The following FGFR2 variants were observed in gnomAD, a reference collection of about 807,000 sequenced individuals.
FGFR2 encodes BEK fibroblast growth factor receptor.
In FGFR2, 19 loss-of-function variants were observed where a neutral mutation model predicts 95.9. The ratio of observed to expected loss-of-function variants is 0.20; its 90% confidence interval spans 0.14 to 0.29. The LOEUF (loss-of-function observed/expected upper bound fraction) is 0.29, where lower values mean the gene tolerates loss of function less well. Among genes scored for constraint, FGFR2 ranks in the 10% least tolerant of loss-of-function variants. FGFR2 has a pLI of 1.00. For missense variants in FGFR2, 707 were observed against 1,056.9 expected (o/e 0.67, Z 4.59); for synonymous variants, 392 against 393.3 (o/e 1.00, Z 0.04).
At chr10:121,504,017 C>G (rs760127133) in intron 9 of FGFR2, 76 bp from the exon 10 acceptor site, 2 of 1,561,342 alleles carry the variant, frequency 1.3e-6, no homozygotes, top group Non-Finnish European at 1.8e-6. Context: ...AGAGCCCAGC[C>G]AGAGTATCGA....
rs750895082 is a variant in FGFR2, at chr10:121,518,931, C to T, written c.939+1048G>A. ...CACCGCAAGAAAACAAACTCCATTA[C>T]GTCTAAACAGCGGCATTAAAGGGCT... On this transcript the variant is annotated intron_variant, in intron 7 of 17. Transcript: ENST00000358487. This position sits in a 1 kb window ranked among gnomAD's most constrained non-coding sequence, Gnocchi z 4.0. The T allele has an allele frequency of 6.2e-5, 88 of 1,415,834 alleles. No homozygotes were observed. The highest frequency in any genetic ancestry group is 8.0e-5 in the Non-Finnish European group (80 of 1,006,248). 87.7% of individuals were successfully genotyped at this position (1,415,834 alleles called of 1,614,324 possible).
At chr10:121,587,547 T>TA (rs1443733989) in intron 2 of FGFR2, among the ~76,000 whole-genome samples, 19 of 151,992 alleles carry the variant, frequency 1.3e-4, no homozygotes, top group Admixed American at 2.0e-4. Context: ...ATAAGGAACT[T>TA]AAATTTACAA....
chr10:121,487,205 A>G, intron 15 of FGFR2, 149 bp downstream of exon 15: 1 of 746,024 alleles, frequency 1.3e-6, no homozygotes, highest in South Asian at 1.5e-5. Context: ...TCAGCCTACC[A>G]TAAAATCTGT....
rs1845056737 is a variant in FGFR2 at position 121,483,743 on chromosome 10, C to T, written c.2256G>A (p.Gln752=). The change falls in exon 17 of 18, where the codon CAG becomes CAA. Residue 752 remains glutamine (Q), a synonymous_variant. Transcript: ENST00000358487. ...AVPSQRPTFK[Q]LVEDLDRILT... ...GAATTCGATCCAAGTCTTCTACCAA[C>T]TGCTTGAACGTTGGTCTCTGGGAGG... is the stretch of plus-strand genomic sequence containing the variant. The T allele has an allele frequency of 1.9e-6, 3 of 1,614,114 alleles. No individual in the cohort carries two copies. Among genetic ancestry groups the T allele is most frequent in the Non-Finnish European group, 1.7e-6 (2 of 1,180,020 alleles).
chr10:121,485,627 G>T lies in FGFR2; in HGVS notation c.2058-95C>A. On this transcript the variant is annotated intron_variant, in intron 15 of 17. Coordinates refer to ENST00000358487, the MANE Select transcript of FGFR2 (RefSeq NM_000141.5). The surrounding 1 kb of genome is among the most constrained non-coding windows in gnomAD (Gnocchi z 4.2). ...GAGACATAAACACCTCCTCACTTCT[G>T]AAGTTCAAAGACAAATGGGCCCTCC... is the stretch of plus-strand genomic sequence containing the variant. 1 of 1,548,776 alleles carries T rather than the reference G, an allele frequency of 6.5e-7. No individual in the cohort carries two copies. The highest frequency in any genetic ancestry group is 8.9e-7 in the Non-Finnish European group (1 of 1,129,784).
intron 6 of FGFR2, among the ~76,000 whole-genome samples, chr10:121,527,293 C>T (rs1404885554): frequency 6.6e-6 from 1 of 152,124 alleles, no homozygotes; most frequent in African/African-American, 2.4e-5. Context: ...GGGCGAATTA[C>T]AGGAGTAGGG....
At chr10:121,527,271 T>C (rs2134424594) in intron 6 of FGFR2, among the ~76,000 whole-genome samples, 1 of 152,314 alleles carries the variant, frequency 6.6e-6, no homozygotes, top group South Asian at 2.1e-4. Context: ...GGGTATCAAT[T>C]TGGGTCTTCT....
chr10:121,577,185 A>AGAGAGAGAGAGG (rs1339719246), intron 2 of FGFR2, among the ~76,000 whole-genome samples: 6 of 114,812 alleles, frequency 5.2e-5, no homozygotes, highest in African/African-American at 2.2e-4. Context: ...ATATAGAGAG[A>AGAGAGAGAGAGG]GAGAGAGAGA....
intron 6 of FGFR2, among the ~76,000 whole-genome samples, chr10:121,523,232 G>A (rs1850816628): frequency 6.6e-6 from 1 of 152,212 alleles, no homozygotes; most frequent in Non-Finnish European, 1.5e-5. Flanking sequence ...CATGTAGGCT[G>A]AGCAAAGAAC....
intron 9 of FGFR2, among the ~76,000 whole-genome samples, chr10:121,504,878 T>C (rs1848079021): frequency 6.6e-6 from 1 of 152,206 alleles, no homozygotes; most frequent in Non-Finnish European, 1.5e-5. Flanking sequence ...CTTTTGAGGA[T>C]GACTACGCAA....
At chr10:121,491,628 T>C (rs1040236153) in intron 13 of FGFR2, among the ~76,000 whole-genome samples, 3 of 152,178 alleles carry the variant, frequency 2.0e-5, no homozygotes, top group African/African-American at 7.2e-5. Flanking sequence ...CCCAGCACTT[T>C]GGGAGGCCAA....
At chr10:121,503,449 A>G (rs1847864125) in intron 10 of FGFR2, among the ~76,000 whole-genome samples, 2 of 152,214 alleles carry the variant, frequency 1.3e-5, no homozygotes, top group Admixed American at 1.3e-4. Context: ...CTAGTAACCA[A>G]AAGCTAGAAT....
At chr10:121,545,809 A>G (rs910868841) in intron 5 of FGFR2, among the ~76,000 whole-genome samples, 7 of 152,222 alleles carry the variant, frequency 4.6e-5, no homozygotes, top group African/African-American at 1.7e-4. Flanking sequence ...TGATTATAAC[A>G]AAAGTTTTAA....
Position 121,517,379 on chromosome 10 carries a change from A to G in FGFR2, c.1024T>C (p.Cys342Arg), listed in dbSNP as rs121918488. 6.2e-7 allele frequency: 1 copy of G among 1,614,226 alleles called. No homozygotes were observed. The highest frequency in any genetic ancestry group is 1.3e-5 in the African/African-American group (1 of 75,064). ...ATCCCAATAGAATTACCCGCCAAGC[A>G]CGTATATTCCCCAGCGTCCTCAAAA... ...VTFEDAGEYT[C>R]LAGNSIGISF... Residue 342 changes from cysteine (C) to arginine (R), a missense_variant, in exon 8 of 18, where the codon TGC becomes CGC. By Grantham distance (180) the Cys-to-Arg change is radical. Around this residue, in one of 7 missense-constraint regions of FGFR2, gnomAD observed 139 missense variants for 278.1 expected, o/e 0.50. Coordinates refer to ENST00000358487, the MANE Select transcript of FGFR2 (RefSeq NM_000141.5). This position sits in a 1 kb window ranked among gnomAD's most constrained non-coding sequence, Gnocchi z 4.7.
chr10:121,480,488 A>G lies in FGFR2; in HGVS notation c.2302-467T>C, dbSNP rs1844537573. 1.1e-5 allele frequency: 3 copies of G among 263,812 alleles called. No individual in the cohort carries two copies. The South Asian group carries it at 2.6e-4, about 23-fold the overall frequency. 16.3% of individuals were successfully genotyped at this position (263,812 alleles called of 1,614,324 possible). On this transcript the variant is annotated intron_variant, in intron 17 of 17. Coordinates refer to ENST00000358487, the MANE Select transcript of FGFR2 (RefSeq NM_000141.5). ...CCGGTAACATGTTGTGGGTCCCCAG[A>G]CCCCCTTTAAGTAGTTGAGACTATG...
intron 6 of FGFR2, among the ~76,000 whole-genome samples, chr10:121,528,198 G>A (rs982642692): frequency 9.9e-5 from 15 of 152,122 alleles, no homozygotes; most frequent in African/African-American, 3.6e-4. Flanking sequence ...ATGTTTGACT[G>A]AAATCTATCA....
intron 5 of FGFR2, among the ~76,000 whole-genome samples, chr10:121,546,828 A>G (rs1854587364): frequency 6.6e-6 from 1 of 152,222 alleles, no homozygotes; most frequent in Admixed American, 6.5e-5. Context: ...GAAAAAGAAA[A>G]ATTGCAGAAA....
At chr10:121,497,967 C>T (rs1847099760) in intron 12 of FGFR2, among the ~76,000 whole-genome samples, 1 of 152,186 alleles carries the variant, frequency 6.6e-6, no homozygotes, top group Admixed American at 6.5e-5. Flanking sequence ...AAATTGATTT[C>T]AAAGTGCCAG....
chr10:121,554,841 A>G (rs1460217489), intron 4 of FGFR2, among the ~76,000 whole-genome samples: 1 of 152,156 alleles, frequency 6.6e-6, no homozygotes, highest in Non-Finnish European at 1.5e-5. Flanking sequence ...AAGGACACAC[A>G]TGGAAATGCC....
Sources: gnomAD v4.1 joint callset for allele counts (sites outside exome capture counted in the v4.1 genomes callset) on GRCh38, gnomAD v4.1.1 for gene constraint, gnomAD v4.1.1 regional missense constraint, Gnocchi (gnomAD v3.1) non-coding constraint, MANE v1.5 for transcripts, NCBI Gene and HGNC (gene_info 2026-07-23, HGNC 2026-07-21) for gene names.